Variants in TSBP1 observed in about 807,000 individuals in gnomAD.
TSBP1 encodes the protein testis expressed basic protein 1, also known as testis-expressed basic protein 1.
TSBP1 carries 56 observed loss-of-function variants against 68.8 expected under a neutral mutation model. That is an observed-to-expected ratio of 0.81 (90% confidence interval 0.66 to 1.02). The LOEUF (loss-of-function observed/expected upper bound fraction) is 1.02, where lower values mean the gene tolerates loss of function less well. TSBP1 is among the 50% of genes least tolerant of loss of function. The pLI is 0.00. For synonymous variants in TSBP1, 171 were observed against 208.7 expected (o/e 0.82, Z 1.56); for missense variants, 502 against 641.2 (o/e 0.78, Z 2.34).
exon 1 of TSBP1, chr6:32,371,874 G>T (rs1485489599): frequency 1.4e-6 from 1 of 705,120 alleles, no homozygotes; most frequent in African/African-American, 1.7e-5. Context: ...AAATTGTGTG[G>T]AGCAGATTGA....
At chr6:32,309,633 G>A (rs1012158614) in intron 19 of TSBP1, among the ~76,000 whole-genome samples, 10 of 152,014 alleles carry the variant, frequency 6.6e-5, no homozygotes, top group Non-Finnish European at 1.3e-4. Context: ...TATAGTAGGT[G>A]CAAGTAGGTA....
chr6:32,363,275 G>A (rs1411074620), intron 6 of TSBP1, among the ~76,000 whole-genome samples: 1 of 151,958 alleles, frequency 6.6e-6, no homozygotes, highest in African/African-American at 2.4e-5. Context: ...GCTGGAGTGT[G>A]TCTGCTACAG....
chr6:32,322,219 A>G (rs75117278), intron 18 of TSBP1, among the ~76,000 whole-genome samples: 4,069 of 152,324 alleles, frequency 0.027, 141 homozygotes, highest in South Asian at 0.11. Context: ...CACGAATTCT[A>G]TATTAAATAT....
intron 9 of TSBP1, among the ~76,000 whole-genome samples, chr6:32,341,546 C>T (rs2143466): frequency 0.35 from 53,756 of 151,884 alleles, 10,435 homozygotes; most frequent in Middle Eastern, 0.56. Context: ...TAGGTGGCAC[C>T]GGGCTAGTGG....
intron 21 of TSBP1, among the ~76,000 whole-genome samples, chr6:32,300,349 A>G (rs1377011878): frequency 2.0e-5 from 3 of 152,182 alleles, no homozygotes; most frequent in Non-Finnish European, 4.4e-5. Flanking sequence ...CTTTTTGTCA[A>G]TCTTAGAGGA....
chr6:32,335,950 G>A lies in TSBP1; in HGVS notation c.431-18C>T. The stretch of plus-strand genomic sequence containing the variant: ...AGCTCCGGCTGTGAGAGAGAAAGAG[G>A]GAGAAAGAAAAAGATATCAGTATGC... On this transcript the variant is annotated intron_variant, in intron 12 of 22. Coordinates refer to ENST00000612031, the Ensembl canonical transcript of TSBP1. This position sits in a 1 kb window ranked among gnomAD's most constrained non-coding sequence, Gnocchi z 5.5. 6.2e-7 allele frequency: 1 copy of A among 1,604,826 alleles called. No individual in the cohort carries two copies. The highest frequency in any genetic ancestry group is 1.1e-5 in the South Asian group (1 of 90,932).
At chr6:32,301,120 C>T (rs897149860) in intron 20 of TSBP1, among the ~76,000 whole-genome samples, 3 of 152,020 alleles carry the variant, frequency 2.0e-5, no homozygotes, top group African/African-American at 4.8e-5. Context: ...CTTCCACTTC[C>T]GGGGTTCAAG....
At chr6:32,370,249 A>C (rs945740234) in intron 1 of TSBP1, among the ~76,000 whole-genome samples, 2 of 151,944 alleles carry the variant, frequency 1.3e-5, no homozygotes, top group Non-Finnish European at 2.9e-5. Context: ...GAAATCTGAC[A>C]GATTTCCTCC....
chr6:32,370,407 G>GTGTGTGTGTATATATATATATATATA (rs1241237254), intron 1 of TSBP1, among the ~76,000 whole-genome samples: 2 of 130,688 alleles, frequency 1.5e-5, no homozygotes, highest in Non-Finnish European at 3.3e-5. Flanking sequence ...AAGATTTTCT[G>GTGTGTGTGTATATATATATATATATA]TATATATATA....
intron 6 of TSBP1, among the ~76,000 whole-genome samples, chr6:32,362,214 G>C (rs552696496): frequency 1.3e-5 from 2 of 149,530 alleles, no homozygotes; most frequent in Admixed American, 6.8e-5. Context: ...GCGTGAACCC[G>C]GGAGGCAGAG....
intron 1 of TSBP1, among the ~76,000 whole-genome samples, chr6:32,370,407 GTATATATATATA>G (rs9279612): frequency 0.16 from 21,361 of 130,688 alleles, 2,354 homozygotes; most frequent in East Asian, 0.38. Context: ...AAGATTTTCT[GTATATATATATA>G]TATATATATA....
In TSBP1 at chr6:32,336,070, C is replaced by T. The variant is rs1018339817; in HGVS notation, c.431-138G>A. On this transcript the variant is annotated intron_variant, in intron 12 of 22. Coordinates refer to ENST00000612031, the Ensembl canonical transcript of TSBP1. The surrounding 1 kb of genome is among the most constrained non-coding windows in gnomAD (Gnocchi z 5.2). ...GGAAGATCAAGAGTTGCTTGTATGGCGAGCCTCAGGCAGGCTCCCTGCACA... is the reference window on the plus strand; with the variant it reads ...GGAAGATCAAGAGTTGCTTGTATGGTGAGCCTCAGGCAGGCTCCCTGCACA... 1.7e-5 allele frequency: 13 copies of T among 749,608 alleles called. No homozygotes were observed. The highest frequency in any genetic ancestry group is 1.4e-4 in the African/African-American group (8 of 57,794). 46.4% of individuals were successfully genotyped at this position (749,608 alleles called of 1,614,324 possible).
rs1391687877 is a variant in TSBP1 at position 32,361,709 on chromosome 6, A to G, written c.217+4458T>C. On this transcript the variant is annotated intron_variant, in intron 6 of 22. Transcript: ENST00000612031. This position sits in a 1 kb window ranked among gnomAD's most constrained non-coding sequence, Gnocchi z 4.3. ...ATTGTCTGTTCATGGACTAAGGTTCATGAACAGATATGAACCTTAGTCCAT... is the reference window on the plus strand; with the variant it reads ...ATTGTCTGTTCATGGACTAAGGTTCGTGAACAGATATGAACCTTAGTCCAT... 6.6e-5 allele frequency among the ~76,000 whole-genome samples: 10 copies of G among 152,146 alleles called. No individual in the cohort carries two copies. The highest frequency in any genetic ancestry group is 1.5e-4 in the Non-Finnish European group (10 of 68,018).
At chr6:32,344,765 G>C (rs1770786516) in intron 9 of TSBP1, among the ~76,000 whole-genome samples, 1 of 151,592 alleles carries the variant, frequency 6.6e-6, no homozygotes. Flanking sequence ...TAGGACTGAT[G>C]ATGAGCAGAG....
intron 6 of TSBP1, among the ~76,000 whole-genome samples, chr6:32,360,268 G>A (rs1772847695): frequency 6.6e-6 from 1 of 152,072 alleles, no homozygotes; most frequent in South Asian, 2.1e-4. Context: ...AGATCATGTA[G>A]TATTTGTCTT....
chr6:32,335,515 T>C lies in TSBP1; in HGVS notation c.452-58A>G, dbSNP rs1769547843. The stretch of plus-strand genomic sequence containing the variant: ...ATATATATATTTTATATATACTTTT[T>C]ATTTATATACTTTAATTTGTATACT... On this transcript the variant is annotated intron_variant, in intron 13 of 22. Coordinates refer to ENST00000612031, the Ensembl canonical transcript of TSBP1. The surrounding 1 kb of genome is among the most constrained non-coding windows in gnomAD (Gnocchi z 5.5). 1 of 1,126,968 alleles carries C rather than the reference T, an allele frequency of 8.9e-7. No individual in the cohort carries two copies. The highest frequency in any genetic ancestry group is 1.2e-6 in the Non-Finnish European group (1 of 868,040). The allele number at this position is 1,126,968 out of a possible 1,614,324, so 69.8% of individuals were successfully genotyped here.
rs1305580104 is a variant in TSBP1, at chr6:32,365,274, A to G, written c.217+893T>C. ...TGAGAGCCTTCCCTTTGTTTTCCCT[A>G]GGGTGGTGCTCTGGAATTCTCAAGT... On this transcript the variant is annotated intron_variant, in intron 6 of 22. Transcript: ENST00000612031. This position sits in a 1 kb window ranked among gnomAD's most constrained non-coding sequence, Gnocchi z 4.3. 3 of 455,914 alleles carry G rather than the reference A, an allele frequency of 6.6e-6. No homozygotes were observed. Among genetic ancestry groups the G allele is most frequent in the Non-Finnish European group, 1.3e-5 (3 of 226,674 alleles). The allele number at this position is 455,914 out of a possible 1,614,324, so 28.2% of individuals were successfully genotyped here.
chr6:32,325,245 GC>G lies in TSBP1; in HGVS notation c.515-1632del. On this transcript the variant is annotated intron_variant, in intron 16 of 22. Coordinates refer to ENST00000612031, the Ensembl canonical transcript of TSBP1. This position sits in a 1 kb window ranked among gnomAD's most constrained non-coding sequence, Gnocchi z 4.4. ...TATCTAAGTCAGAGTCTCCTAAAGA[GC>G]CAGAACAACTGAGGAAGCTCTTCAT... The G allele has an allele frequency of 1.9e-6, 2 of 1,029,244 alleles. No individual in the cohort carries two copies. Among genetic ancestry groups the G allele is most frequent in the South Asian group, 1.6e-5 (1 of 64,506 alleles). The allele number at this position is 1,029,244 out of a possible 1,614,324, so 63.8% of individuals were successfully genotyped here. A position where few individuals can be genotyped will look rare whatever the true frequency, so the allele number is the denominator to read the frequency against.
At chr6:32,358,507 T>C (rs987761434) in intron 6 of TSBP1, among the ~76,000 whole-genome samples, 1 of 152,106 alleles carries the variant, frequency 6.6e-6, no homozygotes, top group African/African-American at 2.4e-5. Flanking sequence ...GTTGGTATGC[T>C]GCACCCATTA....
Sources: gnomAD v4.1 joint callset for allele counts (sites outside exome capture counted in the v4.1 genomes callset) on GRCh38, gnomAD v4.1.1 for gene constraint, Gnocchi (gnomAD v3.1) non-coding constraint, MANE v1.5 for transcripts, NCBI Gene and HGNC (gene_info 2026-07-23, HGNC 2026-07-21) for gene names.